Variants in C22orf39 observed in about 807,000 individuals in gnomAD.
C22orf39 encodes the protein synaptic plasticity regulator PANTS.
C22orf39 carries 20 observed loss-of-function variants against 18.3 expected under a neutral mutation model. That is an observed-to-expected ratio of 1.09 (90% CI 0.77 to 1.59). C22orf39 has a LOEUF of 1.59. Among genes scored for constraint, C22orf39 ranks in the 40% most tolerant of loss-of-function variants. C22orf39 has a pLI of 0.00. For synonymous variants in C22orf39, 63 were observed against 59.6 expected, an observed-to-expected ratio of 1.06 and a Z score of -0.26; for missense variants, 195 against 156.1, an observed-to-expected ratio of 1.25 and a Z score of -1.33.
rs1353075224 is a variant in C22orf39, at chr22:19,447,502, C to T, written c.68G>A (p.Cys23Tyr). 6.7e-7 allele frequency: 1 copy of T among 1,495,076 alleles called. No homozygotes were observed. The highest frequency in any genetic ancestry group is 8.9e-7 in the Non-Finnish European group (1 of 1,128,796). 92.6% of individuals were successfully genotyped at this position (1,495,076 alleles called of 1,614,324 possible). Reference protein sequence around the residue: ...CEAYRAEWKLCRSARHFLHHY... With the variant: ...CEAYRAEWKLYRSARHFLHHY... ...GTGTAGGAAGTGCCTGGCGCTGCGG[C>T]AGAGCTTCCACTCGGCGCGGTAGGC... is the stretch of plus-strand genomic sequence containing the variant. The change falls in exon 2 of 3, where the codon TGC becomes TAC. Residue 23 changes from cysteine (C) to tyrosine (Y), a missense_variant. Cys to Tyr is a radical substitution (Grantham distance 194). Coordinates refer to ENST00000399562, the MANE Select transcript of C22orf39 (RefSeq NM_173793.5).
chr22:19,444,940 T>A (rs967031369), intron 2 of C22orf39, among the ~76,000 whole-genome samples: 63 of 152,278 alleles, frequency 4.1e-4, no homozygotes, highest in African/African-American at 1.5e-3. Context: ...TTGGCTACTG[T>A]CTCCCAATAC....
chr22:19,446,789 A>C (rs1341746239), intron 2 of C22orf39, among the ~76,000 whole-genome samples: 1 of 151,962 alleles, frequency 6.6e-6, no homozygotes, highest in East Asian at 1.9e-4. Flanking sequence ...TGCAGCTTTG[A>C]ACTCCTGGGC....
Position 19,443,231 on chromosome 22 carries a change from A to C in C22orf39, c.*1034T>G. 1.0e-6 allele frequency: 1 copy of C among 985,444 alleles called. No individual in the cohort carries two copies. The highest frequency in any genetic ancestry group is 1.2e-6 in the Non-Finnish European group (1 of 829,952). 61.0% of individuals were successfully genotyped at this position (985,444 alleles called of 1,614,324 possible). On this transcript the variant is annotated 3_prime_UTR_variant, in exon 3 of 3. Coordinates refer to ENST00000399562, the MANE Select transcript of C22orf39 (RefSeq NM_173793.5). ...CAAAGAACAAATTAAAAGATATTCA[A>C]CTTGCTGCCTGTGTCCAGGAAGAGA...
At position 19,441,680 on chromosome 22, in the gene C22orf39, CA is replaced by C; in HGVS notation, c.*2584del. The C allele has an allele frequency of 6.5e-7, 1 of 1,543,164 alleles. No individual in the cohort carries two copies. Among genetic ancestry groups the C allele is most frequent in the Non-Finnish European group, 8.8e-7 (1 of 1,139,862 alleles). On this transcript the variant is annotated 3_prime_UTR_variant, in exon 3 of 3. Transcript: ENST00000399562. ...AGTAGCTGAGATTACAGGTGTGAGC[CA>C]CCACACTTAGCACCTGTCCAAAAAG... is the stretch of plus-strand genomic sequence containing the variant.
chr22:19,447,387 G>A lies in C22orf39; in HGVS notation c.183C>T (p.Ala61=), dbSNP rs1362714611. Residue 61 remains alanine (A), a synonymous_variant, in exon 2 of 3, where the codon GCC becomes GCT. Transcript: ENST00000399562. ...CTCCCTCCCGGCGCACCTGGGCCTC[G>A]GCGTTCCGGCGCTCCTCCCAGTCGC... ...SCRDWEERRN[A]EAQQSLCESE... is the part of the protein sequence containing the mutation. 2 of 1,501,178 alleles carry A rather than the reference G, an allele frequency of 1.3e-6. No homozygotes were observed. Among genetic ancestry groups the A allele is most frequent in the South Asian group, 1.2e-5 (1 of 80,482 alleles). The allele number at this position is 1,501,178 out of a possible 1,614,324, so 93.0% of individuals were successfully genotyped here. A position where few individuals can be genotyped will look rare whatever the true frequency, so the allele number is the denominator to read the frequency against.
At chr22:19,444,512 T>C (rs2089630287) in intron 2 of C22orf39, 122 bp from the exon 3 acceptor site, 4 of 961,802 alleles carry the variant, frequency 4.2e-6, no homozygotes, top group South Asian at 1.7e-5. Context: ...TACACACCAC[T>C]CTGCAGCACA....
At position 19,444,185 on chromosome 22, in the gene C22orf39, T is replaced by C; in HGVS notation, c.*80A>G. On this transcript the variant is annotated 3_prime_UTR_variant, in exon 3 of 3. Coordinates refer to ENST00000399562, the MANE Select transcript of C22orf39 (RefSeq NM_173793.5). ...CAGGGACCCACCAGACTGTGTAGGC[T>C]GGTCACAGTCCCCAGGGCTGTGCAA... is the stretch of plus-strand genomic sequence containing the variant. 1 of 1,464,294 alleles carries C rather than the reference T, an allele frequency of 6.8e-7. No individual in the cohort carries two copies. The allele number at this position is 1,464,294 out of a possible 1,614,324, so 90.7% of individuals were successfully genotyped here.
Position 19,444,274 on chromosome 22 carries a change from CT to C in C22orf39, c.308del (p.Lys103ArgfsTer66). 1 of 1,584,964 alleles carries C rather than the reference CT, an allele frequency of 6.3e-7. No individual in the cohort carries two copies. Among genetic ancestry groups the C allele is most frequent in the Non-Finnish European group, 8.5e-7 (1 of 1,169,958 alleles). On this transcript the variant is annotated frameshift_variant, in exon 3 of 3. Coordinates refer to ENST00000399562, the MANE Select transcript of C22orf39 (RefSeq NM_173793.5). LOFTEE classifies it high-confidence loss of function. ...ATGGCAGGGATGCTTGTCACTCGTC[CT>C]TCTCCTGTGGCAGAGGGAGATGCCA... is the stretch of plus-strand genomic sequence containing the variant. ...PDWHLPLPQEKDE is the reference protein window; with the variant it reads ...PDWHLPLPQEXDE
In C22orf39 at chr22:19,444,048, G is replaced by A. The variant is rs918344434; in HGVS notation, c.*217C>T. The A allele has an allele frequency of 4.5e-5, 59 of 1,297,170 alleles. No individual in the cohort carries two copies. Among genetic ancestry groups the A allele is most frequent in the East Asian group, 6.5e-5 (2 of 30,722 alleles). The allele number at this position is 1,297,170 out of a possible 1,614,324, so 80.4% of individuals were successfully genotyped here. On this transcript the variant is annotated 3_prime_UTR_variant, in exon 3 of 3. Transcript: ENST00000399562. The stretch of plus-strand genomic sequence containing the variant: ...CTTGGCCTCCTGGAAGCTCTAAAGC[G>A]GTGCAATTGTCCTGCAGAACATCGC...
chr22:19,441,516 C>A lies in C22orf39; in HGVS notation c.*2749G>T. 3 of 599,248 alleles carry A rather than the reference C, an allele frequency of 5.0e-6. No homozygotes were observed. The highest frequency in any genetic ancestry group is 2.8e-5 in the East Asian group (1 of 35,376). The allele number at this position is 599,248 out of a possible 1,614,324, so 37.1% of individuals were successfully genotyped here. A position where few individuals can be genotyped will look rare whatever the true frequency, so the allele number is the denominator to read the frequency against. ...TATTAATATGGGGTTTTATCCAAAACATTTATTTTTATTTTTAAAACATTT... is the reference window on the plus strand; with the variant it reads ...TATTAATATGGGGTTTTATCCAAAAAATTTATTTTTATTTTTAAAACATTT... On this transcript the variant is annotated 3_prime_UTR_variant, in exon 3 of 3. Transcript: ENST00000399562.
Position 19,443,525 on chromosome 22 carries a change from A to G in C22orf39, c.*740T>C, listed in dbSNP as rs771371640. 1.0e-6 allele frequency: 1 copy of G among 985,850 alleles called. No individual in the cohort carries two copies. The highest frequency in any genetic ancestry group is 1.2e-6 in the Non-Finnish European group (1 of 829,932). The allele number at this position is 985,850 out of a possible 1,614,324, so 61.1% of individuals were successfully genotyped here. ...GAAATCAGATGAAATAGCTTTTGAT[A>G]CATTAACCACCAGGGGAAATTTTGA... On this transcript the variant is annotated 3_prime_UTR_variant, in exon 3 of 3. Coordinates refer to ENST00000399562, the MANE Select transcript of C22orf39 (RefSeq NM_173793.5).
Position 19,443,035 on chromosome 22 carries a change from G to A in C22orf39, c.*1230C>T, listed in dbSNP as rs1260463595. ...ACTCCCCTGATGATGGGGGAACGCT[G>A]GCTCCTCTTTAGATGCTCCTGCTCT... On this transcript the variant is annotated 3_prime_UTR_variant, in exon 3 of 3. Transcript: ENST00000399562. The A allele has an allele frequency of 1.4e-6, 1 of 711,046 alleles. No homozygotes were observed. The allele number at this position is 711,046 out of a possible 1,614,324, so 44.0% of individuals were successfully genotyped here.
chr22:19,447,488 G>T lies in C22orf39; in HGVS notation c.82C>A (p.His28Asn). Reference sequence around the variant, plus strand: ...TGGACGTAGTAGTGGTGTAGGAAGTGCCTGGCGCTGCGGCAGAGCTTCCAC... The same window carrying T: ...TGGACGTAGTAGTGGTGTAGGAAGTTCCTGGCGCTGCGGCAGAGCTTCCAC... Reference protein sequence around the residue: ...AEWKLCRSARHFLHHYYVHGE... With the variant: ...AEWKLCRSARNFLHHYYVHGE... The change falls in exon 2 of 3, where the codon CAC becomes AAC. Residue 28 changes from histidine (H) to asparagine (N), a missense_variant. His to Asn is a moderately conservative substitution (Grantham distance 68). Transcript: ENST00000399562. 6.7e-7 allele frequency: 1 copy of T among 1,502,498 alleles called. No individual in the cohort carries two copies. 93.1% of individuals were successfully genotyped at this position (1,502,498 alleles called of 1,614,324 possible). A position where few individuals can be genotyped will look rare whatever the true frequency, so the allele number is the denominator to read the frequency against.
chr22:19,443,945 G>T lies in C22orf39; in HGVS notation c.*320C>A. ...GGCTACCCTTCAGTTTACCTGAGAA[G>T]CCTAGACCTCAGGACCGCCATCTCC... On this transcript the variant is annotated 3_prime_UTR_variant, in exon 3 of 3. Transcript: ENST00000399562. The T allele has an allele frequency of 9.2e-7, 1 of 1,084,602 alleles. No individual in the cohort carries two copies. The highest frequency in any genetic ancestry group is 6.1e-5 in the East Asian group (1 of 16,272). 67.2% of individuals were successfully genotyped at this position (1,084,602 alleles called of 1,614,324 possible).
Position 19,441,857 on chromosome 22 carries a change from CAA to C in C22orf39, c.*2406_*2407del, listed in dbSNP as rs1217839073. On this transcript the variant is annotated 3_prime_UTR_variant, in exon 3 of 3. Coordinates refer to ENST00000399562, the MANE Select transcript of C22orf39 (RefSeq NM_173793.5). Reference sequence around the variant, plus strand: ...ACCCAGGTTGAAGTGCAGTGGGGCACAATCATGGCTCACTGCAGCCTCAAACT... The same window carrying C: ...ACCCAGGTTGAAGTGCAGTGGGGCACTCATGGCTCACTGCAGCCTCAAACT... The C allele has an allele frequency of 1.2e-6, 1 of 845,852 alleles. No homozygotes were observed. Among genetic ancestry groups the C allele is most frequent in the Non-Finnish European group, 1.8e-6 (1 of 569,412 alleles). 52.4% of individuals were successfully genotyped at this position (845,852 alleles called of 1,614,324 possible).
At position 19,441,590 on chromosome 22, in the gene C22orf39, AC is replaced by A; in HGVS notation, c.*2674del. 1 of 803,928 alleles carries A rather than the reference AC, an allele frequency of 1.2e-6. No homozygotes were observed. 49.8% of individuals were successfully genotyped at this position (803,928 alleles called of 1,614,324 possible). A position where few individuals can be genotyped will look rare whatever the true frequency, so the allele number is the denominator to read the frequency against. On this transcript the variant is annotated 3_prime_UTR_variant, in exon 3 of 3. Transcript: ENST00000399562. ...GTTGCCCAGGCTGGAGTGCAGTGGC[AC>A]GATCATAGCTGACTGCAACCTCAAA...
chr22:19,447,334 C>T, intron 2 of C22orf39, 44 bp downstream of exon 2: 3 of 1,423,702 alleles, frequency 2.1e-6, no homozygotes, highest in Non-Finnish European at 2.7e-6. Context: ...AAGCTGGGCC[C>T]CGCAAGGCGC....
intron 2 of C22orf39, among the ~76,000 whole-genome samples, chr22:19,447,108 G>A (rs111831681): frequency 0.034 from 5,167 of 152,250 alleles, 128 homozygotes; most frequent in African/African-American, 0.063. Context: ...GCGTAGGCCA[G>A]CTGATGACCC....
At position 19,443,172 on chromosome 22, in the gene C22orf39, G is replaced by T; in HGVS notation, c.*1093C>A. The T allele has an allele frequency of 1.0e-6, 1 of 975,176 alleles. No individual in the cohort carries two copies. The highest frequency in any genetic ancestry group is 1.2e-6 in the Non-Finnish European group (1 of 827,924). The allele number at this position is 975,176 out of a possible 1,614,324, so 60.4% of individuals were successfully genotyped here. A position where few individuals can be genotyped will look rare whatever the true frequency, so the allele number is the denominator to read the frequency against. On this transcript the variant is annotated 3_prime_UTR_variant, in exon 3 of 3. Transcript: ENST00000399562. ...AAGCAGGGAAATACTGTTCTTTAAT[G>T]GACACCCTTCTAACGTGATAGATTA...
Sources: gnomAD v4.1 joint callset for allele counts (sites outside exome capture counted in the v4.1 genomes callset) on GRCh38, gnomAD v4.1.1 for gene constraint, MANE v1.5 for transcripts, NCBI Gene and HGNC (gene_info 2026-07-23, HGNC 2026-07-21) for gene names.